Variants in GNG7 observed in about 807,000 individuals in gnomAD.
The protein encoded by GNG7 is guanine nucleotide-binding protein G(I)/G(S)/G(O) subunit gamma-7.
Under a neutral mutation model 4.0 loss-of-function variants are expected in GNG7, and 1 was observed. The observed-to-expected ratio is 0.25, with a 90% CI of 0.09 to 1.18. The LOEUF (loss-of-function observed/expected upper bound fraction) is 1.18, where lower values mean the gene tolerates loss of function less well. Ranked by LOEUF, GNG7 falls within the 50% of genes most tolerant of loss-of-function variation. The pLI is 0.50. For missense variants in GNG7, 86 were observed against 91.9 expected (o/e 0.94, Z 0.26); for synonymous variants, 34 against 36.9 (o/e 0.92, Z 0.29).
chr19:2,585,568 G>C (rs1980646932), intron 2 of GNG7, among the ~76,000 whole-genome samples: 1 of 152,222 alleles, frequency 6.6e-6, no homozygotes, highest in Non-Finnish European at 1.5e-5. Context: ...CAGCCAGTTA[G>C]AAACAGGCAG....
Position 2,584,746 on chromosome 19 carries a change from GGGAC to G in GNG7, c.-77-29562_-77-29559del, listed in dbSNP as rs1284129205. ...AAGGAAAGAAGGAAGGAAGGAGGGAGGGACGGATGGAGGGAGGGAGGGATGGAGG... is the reference window on the plus strand; with the variant it reads ...AAGGAAAGAAGGAAGGAAGGAGGGAGGGATGGAGGGAGGGAGGGATGGAGG... On this transcript the variant is annotated intron_variant, in intron 2 of 4. Transcript: ENST00000382159. 5.7e-4 allele frequency among the ~76,000 whole-genome samples: 27 copies of G among 47,290 alleles called. 3 individuals carry two copies. The highest frequency in any genetic ancestry group is 3.1e-3 in the African/African-American group (25 of 8,132). The allele number at this position is 47,290 out of a possible 152,430, so 31.0% of individuals were successfully genotyped here. A position where few individuals can be genotyped will look rare whatever the true frequency, so the allele number is the denominator to read the frequency against.
intron 4 of GNG7, among the ~76,000 whole-genome samples, chr19:2,515,812 A>T (rs1019989474): frequency 2.0e-5 from 3 of 151,866 alleles, no homozygotes; most frequent in African/African-American, 7.3e-5. Context: ...CTGGGGAGTG[A>T]TGGCTGATGG....
chr19:2,615,468 T>G (rs866694970), intron 2 of GNG7, among the ~76,000 whole-genome samples: 8,858 of 137,112 alleles, frequency 0.065, 397 homozygotes, highest in South Asian at 0.19. Flanking sequence ...TTTTTTTTTT[T>G]TTTTTTTTTT....
intron 3 of GNG7, among the ~76,000 whole-genome samples, chr19:2,550,385 C>T (rs1000525021): frequency 7.9e-5 from 12 of 152,308 alleles, no homozygotes; most frequent in Admixed American, 6.5e-5. Flanking sequence ...ACACCAAGCC[C>T]GGCTAATTTT....
chr19:2,568,663 A>G (rs1407764331), intron 2 of GNG7, among the ~76,000 whole-genome samples: 1 of 53,000 alleles, frequency 1.9e-5, no homozygotes, highest in East Asian at 8.6e-4. Context: ...ACATATACAC[A>G]TACACATACA....
At chr19:2,539,108 A>C (rs1304004711) in intron 3 of GNG7, among the ~76,000 whole-genome samples, 1 of 152,136 alleles carries the variant, frequency 6.6e-6, no homozygotes, top group Non-Finnish European at 1.5e-5. Context: ...CTGTTAACTA[A>C]TTTAGGTATT....
chr19:2,537,297 G>A lies in GNG7; in HGVS notation c.-37-16572C>T, dbSNP rs577407262. On this transcript the variant is annotated intron_variant, in intron 3 of 4. Transcript: ENST00000382159. ...TTCTCACTCTGTTGTCCAGGCTGGA[G>A]TGCAGTGGTGCAATCATAGCTCACT... Among the ~76,000 whole-genome samples the A allele has an allele frequency of 4.7e-3, 714 of 152,248 alleles. 2 individuals carry two copies. The highest frequency in any genetic ancestry group is 8.8e-3 in the Non-Finnish European group (597 of 68,020).
At chr19:2,576,008 C>A (rs1432502290) in intron 2 of GNG7, among the ~76,000 whole-genome samples, 1 of 93,172 alleles carries the variant, frequency 1.1e-5, no homozygotes, top group Non-Finnish European at 2.2e-5. Context: ...CACTCAGGTA[C>A]ACGCAGACAT....
At chr19:2,645,730 T>C (rs1048464580) in intron 2 of GNG7, among the ~76,000 whole-genome samples, 5 of 152,136 alleles carry the variant, frequency 3.3e-5, no homozygotes, top group African/African-American at 1.2e-4. Flanking sequence ...TCTGGACATT[T>C]CTGCCTTCCT....
At chr19:2,549,592 CTG>C (rs1979251389) in intron 3 of GNG7, among the ~76,000 whole-genome samples, 1 of 152,078 alleles carries the variant, frequency 6.6e-6, no homozygotes, top group Non-Finnish European at 1.5e-5. Context: ...CTGGCCGGGG[CTG>C]TGTTTTCATC....
chr19:2,531,155 A>G (rs1269917319), intron 3 of GNG7, among the ~76,000 whole-genome samples: 1 of 151,514 alleles, frequency 6.6e-6, no homozygotes, highest in Non-Finnish European at 1.5e-5. Context: ...AAATACAAAA[A>G]TTAGCTGGGC....
chr19:2,679,380 A>G (rs1296499685), intron 1 of GNG7, among the ~76,000 whole-genome samples: 2 of 152,154 alleles, frequency 1.3e-5, no homozygotes, highest in African/African-American at 4.8e-5. Context: ...AATATATTGA[A>G]TAATATTAGC....
chr19:2,622,149 G>C (rs1406532545), intron 2 of GNG7, among the ~76,000 whole-genome samples: 1 of 151,268 alleles, frequency 6.6e-6, no homozygotes, highest in Non-Finnish European at 1.5e-5. Context: ...GCGAGATCTC[G>C]GCTCACTGCA....
chr19:2,563,609 G>C (rs1455527082), intron 2 of GNG7, among the ~76,000 whole-genome samples: 3 of 152,122 alleles, frequency 2.0e-5, no homozygotes, highest in Admixed American at 2.0e-4. Context: ...CCTCCCTATA[G>C]TAGTTGGAAC....
At chr19:2,602,293 C>T (rs916288190) in intron 2 of GNG7, among the ~76,000 whole-genome samples, 31 of 152,276 alleles carry the variant, frequency 2.0e-4, no homozygotes, top group Non-Finnish European at 5.9e-5. Context: ...GCTGAGATCG[C>T]GCCACTGCAC....
intron 3 of GNG7, among the ~76,000 whole-genome samples, chr19:2,551,948 G>C (rs1568240334): frequency 6.6e-6 from 1 of 152,130 alleles, no homozygotes; most frequent in Non-Finnish European, 1.5e-5. Flanking sequence ...ACCTCCCAAA[G>C]TGCTGGGATT....
chr19:2,606,724 T>C (rs1981396504), intron 2 of GNG7, among the ~76,000 whole-genome samples: 1 of 149,824 alleles, frequency 6.7e-6, no homozygotes, highest in Admixed American at 6.7e-5. Context: ...GTCTCAAAAA[T>C]AAAAAGTCAG....
chr19:2,696,331 AAAG>A (rs1568287904), intron 1 of GNG7, among the ~76,000 whole-genome samples: 81 of 145,896 alleles, frequency 5.6e-4, no homozygotes, highest in African/African-American at 1.9e-3. Flanking sequence ...AGAAAGAAAG[AAAG>A]AAAGAAAGAA....
intron 2 of GNG7, among the ~76,000 whole-genome samples, chr19:2,600,237 G>A (rs1981158090): frequency 1.3e-5 from 2 of 150,076 alleles, no homozygotes; most frequent in African/African-American, 2.5e-5. Flanking sequence ...AGGATGACAC[G>A]TTTAAGTGAA....
Sources: allele counts gnomAD v4.1 joint callset (sites outside exome capture counted in the v4.1 genomes callset), GRCh38; gene constraint gnomAD v4.1.1; transcripts MANE v1.5; gene names NCBI Gene and HGNC (gene_info 2026-07-23, HGNC 2026-07-21).